GSE1: variants seen among roughly 807,000 people sequenced by gnomAD.
The protein encoded by GSE1 is genetic suppressor element 1.
In GSE1, 32 loss-of-function variants were observed where a neutral mutation model predicts 112.6. That is an observed-to-expected ratio of 0.28 (90% CI 0.21 to 0.38). GSE1 has a LOEUF of 0.38. Ranked by LOEUF, GSE1 falls within the 10% of genes least tolerant of loss-of-function variation. GSE1 has a pLI of 1.00. For missense variants in GSE1, 2,348 were observed against 1,699.2 expected (o/e 1.38, Z -6.71); for synonymous variants, 1,115 against 735.6 (o/e 1.52, Z -8.35).
At chr16:85,621,656 T>A (rs1456896680) in intron 1 of GSE1, among the ~76,000 whole-genome samples, 1 of 152,184 alleles carries the variant, frequency 6.6e-6, no homozygotes, top group East Asian at 1.9e-4. Context: ...TGACTCTGAA[T>A]CCACTAACAG....
chr16:85,365,925 A>T (rs1229079264), intron 2 of GSE1, among the ~76,000 whole-genome samples: 1 of 152,194 alleles, frequency 6.6e-6, no homozygotes, highest in East Asian at 1.9e-4. Context: ...CCATGTGTCA[A>T]ACGGGGATGA....
intron 1 of GSE1, among the ~76,000 whole-genome samples, chr16:85,330,186 G>A (rs2046309164): frequency 6.6e-6 from 1 of 152,234 alleles, no homozygotes; most frequent in African/African-American, 2.4e-5. Context: ...AAGAGGCTTT[G>A]CAGATGTGAG....
At chr16:85,305,937 A>G (rs1264736456) in intron 1 of GSE1, among the ~76,000 whole-genome samples, 1 of 152,178 alleles carries the variant, frequency 6.6e-6, no homozygotes, top group East Asian at 1.9e-4. Flanking sequence ...TAAAAATACA[A>G]AAATTAGCCG....
chr16:85,549,558 G>A (rs2044831018), intron 2 of GSE1, among the ~76,000 whole-genome samples: 1 of 152,220 alleles, frequency 6.6e-6, no homozygotes, highest in Non-Finnish European at 1.5e-5. Flanking sequence ...CCAGGATCCT[G>A]GTTAGATGCT....
intron 1 of GSE1, among the ~76,000 whole-genome samples, chr16:85,230,966 T>C (rs1386555365): frequency 6.6e-6 from 1 of 150,876 alleles, no homozygotes; most frequent in South Asian, 2.1e-4. Flanking sequence ...GATAGATGGA[T>C]GGACGGACGG....
At chr16:85,473,429 CAG>C (rs764504286) in intron 2 of GSE1, among the ~76,000 whole-genome samples, 1 of 152,150 alleles carries the variant, frequency 6.6e-6, no homozygotes, top group Non-Finnish European at 1.5e-5. Context: ...CTTAAAACCA[CAG>C]ATGTTTGTTC....
chr16:85,617,274 G>A (rs2048429142), intron 1 of GSE1, among the ~76,000 whole-genome samples: 1 of 152,228 alleles, frequency 6.6e-6, no homozygotes, highest in African/African-American at 2.4e-5. Context: ...CTGGGGCGGA[G>A]TCCAGGCCTG....
intron 2 of GSE1, among the ~76,000 whole-genome samples, chr16:85,410,108 G>C: frequency 1.5e-5 from 1 of 67,286 alleles, no homozygotes; most frequent in Admixed American, 1.9e-4. Flanking sequence ...AGGCCCCCCG[G>C]ATAATCCTCA....
intron 2 of GSE1, among the ~76,000 whole-genome samples, chr16:85,503,381 C>T (rs1172600299): frequency 7.2e-5 from 11 of 152,334 alleles, no homozygotes; most frequent in Non-Finnish European, 1.3e-4. Flanking sequence ...CTGCCCTCAG[C>T]TGCCGCTCCT....
Position 85,210,521 on chromosome 16 carries a change from C to T in GSE1, c.2283+38714C>T, listed in dbSNP as rs575058790. Among the ~76,000 whole-genome samples the T allele has an allele frequency of 5.5e-4, 84 of 152,114 alleles. 1 individual carries two copies. The highest frequency in any genetic ancestry group is 1.2e-3 in the African/African-American group (50 of 41,494). ...GGAGGATTGCTTGAGCCAGGGAGGT[C>T]CAGGCTGCAGTAAGCTGTGATTGCA... On this transcript the variant is annotated intron_variant, in intron 1 of 2. Transcript: ENST00000637419.
chr16:85,215,485 T>C (rs2075293202), intron 1 of GSE1, among the ~76,000 whole-genome samples: 1 of 152,162 alleles, frequency 6.6e-6, no homozygotes, highest in Non-Finnish European at 1.5e-5. Flanking sequence ...TGCACTGAAA[T>C]TTCAGAATTC....
exon 2 of GSE1, chr16:85,357,491 C>A: frequency 1.6e-6 from 2 of 1,251,432 alleles, no homozygotes; most frequent in Non-Finnish European, 2.1e-6. Context: ...GAAGCATCTG[C>A]AGCCAGCCAC....
intron 2 of GSE1, among the ~76,000 whole-genome samples, chr16:85,387,211 C>A (rs2047706903): frequency 6.6e-6 from 1 of 152,118 alleles, no homozygotes; most frequent in Non-Finnish European, 1.5e-5. Context: ...GTGGTGGGAG[C>A]CCCCTGCACC....
rs779441062 is a variant in GSE1 at position 85,661,742 on chromosome 16, G to A, written c.2237G>A (p.Arg746Lys). ...AGCAAGCTGGACCTGGAGGAGCGCA[G>A]GCGGCGGGAGGCCCAGGAGAAAGGT... The part of the protein sequence containing the change: ...LVSKLDLEER[R>K]RREAQEKGYY... The change falls in exon 9 of 16, where the codon AGG becomes AAG. Residue 746 changes from arginine (R) to lysine (K), a missense_variant. Physicochemically the swap from Arg to Lys is conservative, Grantham distance 26 (BLOSUM62 2). Coordinates refer to ENST00000253458, the MANE Select transcript of GSE1 (RefSeq NM_014615.5). 4 of 1,544,364 alleles carry A rather than the reference G, an allele frequency of 2.6e-6. No individual in the cohort carries two copies. Among genetic ancestry groups the A allele is most frequent in the Middle Eastern group, 2.1e-4 (1 of 4,738 alleles).
At chr16:85,209,279 C>G (rs2075181416) in intron 1 of GSE1, among the ~76,000 whole-genome samples, 1 of 152,152 alleles carries the variant, frequency 6.6e-6, no homozygotes, top group Admixed American at 6.5e-5. Flanking sequence ...AACTGAGGCA[C>G]CGAGGATTAA....
Position 85,419,920 on chromosome 16 carries a change from A to T in GSE1, c.2464+62277A>T, listed in dbSNP as rs917044170. ...GGGGGACTGGGCTGGAACAGAACTG[A>T]GGGACAGCAGGGGCAAAGTCTGAGC... is the stretch of plus-strand genomic sequence containing the variant. On this transcript the variant is annotated intron_variant, in intron 2 of 2. Coordinates refer to the GSE1 transcript ENST00000637419. The surrounding 1 kb of genome is among the most constrained non-coding windows in gnomAD (Gnocchi z 6.5). 2.6e-4 allele frequency among the ~76,000 whole-genome samples: 39 copies of T among 152,156 alleles called. No individual in the cohort carries two copies. Among genetic ancestry groups the T allele is most frequent in the African/African-American group, 9.2e-4 (38 of 41,424 alleles).
intron 2 of GSE1, among the ~76,000 whole-genome samples, chr16:85,482,776 G>T (rs1206708131): frequency 6.6e-6 from 1 of 152,136 alleles, no homozygotes. Flanking sequence ...TCAGGAGTTC[G>T]AGACCAGCCT....
intron 1 of GSE1, among the ~76,000 whole-genome samples, chr16:85,245,010 T>C (rs1023917457): frequency 7.2e-6 from 1 of 138,668 alleles, no homozygotes; most frequent in African/African-American, 2.6e-5. Context: ...AAAAAAAAAT[T>C]TTTTTTCCGA....
At chr16:85,621,262 C>T (rs1405590421) in intron 1 of GSE1, among the ~76,000 whole-genome samples, 1 of 152,044 alleles carries the variant, frequency 6.6e-6, no homozygotes, top group East Asian at 1.9e-4. Flanking sequence ...GGCCCTGGGT[C>T]TGTGCTCTGT....
Sources: gnomAD v4.1 joint callset for allele counts (sites outside exome capture counted in the v4.1 genomes callset) on GRCh38, gnomAD v4.1.1 for gene constraint, Gnocchi (gnomAD v3.1) non-coding constraint, MANE v1.5 for transcripts, NCBI Gene and HGNC (gene_info 2026-07-23, HGNC 2026-07-21) for gene names.